IGSF9B: variants seen among roughly 807,000 people sequenced by gnomAD.
IGSF9B encodes protein turtle homolog B.
In IGSF9B, 48 loss-of-function variants were observed where a neutral mutation model predicts 143.7. That is an observed-to-expected ratio of 0.33 (90% confidence interval 0.26 to 0.42). IGSF9B has a LOEUF of 0.42. Among genes scored for constraint, IGSF9B ranks in the 20% least tolerant of loss-of-function variants. IGSF9B has a pLI of 1.00. For missense variants in IGSF9B, 1,706 were observed against 1,980.0 expected (o/e 0.86, Z 2.63); for synonymous variants, 903 against 833.1 (o/e 1.08, Z -1.44).
intron 14 of IGSF9B, 35 bp from the exon 15 acceptor site, chr11:133,924,939 G>A (rs1939598897): frequency 1.3e-6 from 2 of 1,582,900 alleles, no homozygotes; most frequent in African/African-American, 1.3e-5. Flanking sequence ...GTCAGCCGAG[G>A]GACCTGAGAT....
intron 15 of IGSF9B, 132 bp downstream of exon 15, chr11:133,924,688 A>C: frequency 1.4e-6 from 1 of 716,880 alleles, no homozygotes; most frequent in Non-Finnish European, 2.4e-6. Flanking sequence ...TGACTCACGC[A>C]GCTGCAACCA....
chr11:133,909,144 G>A lies in IGSF9B; in HGVS notation c.4239C>T (p.Arg1413=), dbSNP rs1156503486. ...TCGCTGTCTGGTCTTCCGGAAGCTGGCGGTGGCACAAGTCTGAGAGCCGGG... is the reference window on the plus strand; with the variant it reads ...TCGCTGTCTGGTCTTCCGGAAGCTGACGGTGGCACAAGTCTGAGAGCCGGG... The part of the protein sequence containing the change: ...PFARLSDLCH[R]QLPEDQTAIL... Residue 1413 remains arginine, a synonymous_variant, in exon 20 of 20, where the codon CGC becomes CGT. Transcript: ENST00000533871. The surrounding 1 kb of genome is among the most constrained non-coding windows in gnomAD (Gnocchi z 4.2). 1 of 1,535,936 alleles carries A rather than the reference G, an allele frequency of 6.5e-7. No individual in the cohort carries two copies. Among genetic ancestry groups the A allele is most frequent in the Admixed American group, 2.0e-5 (1 of 50,992 alleles).
Position 133,932,355 on chromosome 11 carries a change from C to A in IGSF9B, c.968-142G>T, listed in dbSNP as rs954034786. Reference sequence around the variant, plus strand: ...GAGCAGACAGACAGACAGACAGACACAGGGACAGACAGACAGACACGGGGA... The same window carrying A: ...GAGCAGACAGACAGACAGACAGACAAAGGGACAGACAGACAGACACGGGGA... On this transcript the variant is annotated intron_variant, in intron 7 of 19. Coordinates refer to ENST00000533871, the MANE Select transcript of IGSF9B (RefSeq NM_001277285.4). The A allele has an allele frequency of 7.1e-5, 57 of 801,712 alleles. No homozygotes were observed. The African/African-American group carries it at 7.8e-4, about 11-fold the overall frequency. 49.7% of individuals were successfully genotyped at this position (801,712 alleles called of 1,614,324 possible).
chr11:133,910,081 T>C (rs930168624), intron 19 of IGSF9B, among the ~76,000 whole-genome samples: 4 of 152,004 alleles, frequency 2.6e-5, no homozygotes, highest in Admixed American at 2.6e-4. Flanking sequence ...GTCATCTCAG[T>C]TGGAAAAGAG....
intron 15 of IGSF9B, among the ~76,000 whole-genome samples, chr11:133,924,124 G>A (rs965015607): frequency 1.3e-5 from 2 of 152,200 alleles, no homozygotes; most frequent in Admixed American, 1.3e-4. Flanking sequence ...ACTGTCACCT[G>A]GTCCCAGGGG....
rs115830023 is a variant in IGSF9B, at chr11:133,948,714, A to G, written c.65-2456T>C. On this transcript the variant is annotated intron_variant, in intron 1 of 19. Coordinates refer to ENST00000533871, the MANE Select transcript of IGSF9B (RefSeq NM_001277285.4). This position sits in a 1 kb window ranked among gnomAD's most constrained non-coding sequence, Gnocchi z 4.7. The stretch of plus-strand genomic sequence containing the variant: ...TAAGAAACTACAAGAGCCTAGGGGA[A>G]GAGGAGGGAGTTATTCCCAGGTGCC... Among the ~76,000 whole-genome samples the G allele has an allele frequency of 0.018, 2,692 of 151,554 alleles. 54 individuals carry two copies. The highest frequency in any genetic ancestry group is 0.051 in the Middle Eastern group (15 of 292).
At position 133,901,945 on chromosome 11, in the gene IGSF9B, A is replaced by ACCG. The variant is rs575519976; in HGVS notation, c.*7123_*7124insCGG. On this transcript the variant is annotated 3_prime_UTR_variant, in exon 20 of 20. Coordinates refer to ENST00000533871, the MANE Select transcript of IGSF9B (RefSeq NM_001277285.4). Reference sequence around the variant, plus strand: ...ACACCAAACCACACAACACACACACACATCACACACATGCACACCGCATCA... The same window carrying ACCG: ...ACACCAAACCACACAACACACACACACCGCATCACACACATGCACACCGCATCA... Among the ~76,000 whole-genome samples the ACCG allele has an allele frequency of 1.1e-3, 131 of 122,656 alleles. No individual in the cohort carries two copies. Among genetic ancestry groups the ACCG allele is most frequent in the African/African-American group, 4.3e-3 (126 of 29,314 alleles). The allele number at this position is 122,656 out of a possible 152,430, so 80.5% of individuals were successfully genotyped here.
intron 1 of IGSF9B, among the ~76,000 whole-genome samples, chr11:133,955,921 C>A (rs867218154): frequency 1.3e-5 from 2 of 152,114 alleles, no homozygotes; most frequent in Admixed American, 6.5e-5. Flanking sequence ...CCGCCGCCCC[C>A]AGCCAGCTCT....
rs1939742028 is a variant in IGSF9B at position 133,932,089 on chromosome 11, A to G, written c.1092T>C (p.Arg364=). 1 of 1,613,434 alleles carries G rather than the reference A, an allele frequency of 6.2e-7. No homozygotes were observed. ...ATVVKWNKDG[R]PLQVEKNLGW... ...CTAGCACCTTCTCAACCTGCAGGGG[A>G]CGGCCGTCCTTGTTCCACTTGACCA... Residue 364 remains arginine, a synonymous_variant, in exon 8 of 20, where the codon CGT becomes CGC. Coordinates refer to ENST00000533871, the MANE Select transcript of IGSF9B (RefSeq NM_001277285.4).
chr11:133,932,415 G>GCAGACAGA (rs567443136), intron 7 of IGSF9B, among the ~76,000 whole-genome samples: 1 of 143,712 alleles, frequency 7.0e-6, no homozygotes, highest in Non-Finnish European at 1.5e-5. Context: ...AGGTGGGAGA[G>GCAGACAGA]CAGACAGACA....
At chr11:133,918,301 A>G (rs1281154292) in intron 18 of IGSF9B, among the ~76,000 whole-genome samples, 1 of 151,768 alleles carries the variant, frequency 6.6e-6, no homozygotes, top group Non-Finnish European at 1.5e-5. Flanking sequence ...CTGCCCAGAT[A>G]GCTGAGATCA....
Position 133,925,039 on chromosome 11 carries a change from C to T in IGSF9B, c.2035-135G>A, listed in dbSNP as rs552737887. 14 of 709,752 alleles carry T rather than the reference C, an allele frequency of 2.0e-5. No homozygotes were observed. The Admixed American group carries it at 2.1e-4, about 11-fold the overall frequency. 44.0% of individuals were successfully genotyped at this position (709,752 alleles called of 1,614,324 possible). On this transcript the variant is annotated intron_variant, in intron 14 of 19. Transcript: ENST00000533871. ...CAGGAGGACTGCTAAGTGTCTAATG[C>T]TAAGCGATGGTAGCACTGGCCAATT... is the stretch of plus-strand genomic sequence containing the variant.
Position 133,946,258 on chromosome 11 carries a change from C to T in IGSF9B, c.65G>A (p.Gly22Asp). 6.2e-7 allele frequency: 1 copy of T among 1,612,864 alleles called. No homozygotes were observed. The highest frequency in any genetic ancestry group is 1.1e-5 in the South Asian group (1 of 90,842). Reference sequence around the variant, plus strand: ...GGGCTCCTCTCGCAGGCCGTGGGCGCCTGATGGGGACGGCCAGGTTGGACA... The same window carrying T: ...GGGCTCCTCTCGCAGGCCGTGGGCGTCTGATGGGGACGGCCAGGTTGGACA... ...VIGTRGLAAE[G>D]AHGLREEPEF... Residue 22 changes from glycine to aspartate, a missense_variant and splice_region_variant, in exon 2 of 20, where the codon GGC becomes GAC. Physicochemically the swap from Gly to Asp is moderately conservative, Grantham distance 94. Around this residue, in one of 7 missense-constraint regions of IGSF9B, gnomAD observed 171 missense variants for 213.9 expected, o/e 0.80. Coordinates refer to ENST00000533871, the MANE Select transcript of IGSF9B (RefSeq NM_001277285.4).
At chr11:133,940,919 G>T (rs193130118) in intron 3 of IGSF9B, among the ~76,000 whole-genome samples, 3 of 152,240 alleles carry the variant, frequency 2.0e-5, no homozygotes, top group African/African-American at 7.2e-5. Flanking sequence ...TTCTCACTGA[G>T]AGCGTGCTTA....
rs1939155221 is a variant in IGSF9B at position 133,902,554 on chromosome 11, T to TACACACACACACCCCCC, written c.*6514_*6515insGGGGGGTGTGTGTGTGT. Among the ~76,000 whole-genome samples the TACACACACACACCCCCC allele has an allele frequency of 2.7e-5, 3 of 110,300 alleles. No individual in the cohort carries two copies. The highest frequency in any genetic ancestry group is 3.4e-4 in the South Asian group (1 of 2,962). The allele number at this position is 110,300 out of a possible 152,430, so 72.4% of individuals were successfully genotyped here. On this transcript the variant is annotated 3_prime_UTR_variant, in exon 20 of 20. Coordinates refer to ENST00000533871, the MANE Select transcript of IGSF9B (RefSeq NM_001277285.4). ...ACACACATATACCACACACACCACATACACACACACACCCCACACACACAC... is the reference window on the plus strand; with the variant it reads ...ACACACATATACCACACACACCACATACACACACACACCCCCCACACACACACACCCCACACACACAC...
Position 133,931,884 on chromosome 11 carries a change from G to T in IGSF9B, c.1111-89C>A. On this transcript the variant is annotated intron_variant, in intron 8 of 19. Coordinates refer to ENST00000533871, the MANE Select transcript of IGSF9B (RefSeq NM_001277285.4). This position sits in a 1 kb window ranked among gnomAD's most constrained non-coding sequence, Gnocchi z 7.7. ...GGGTCCCAGCTGGGCCAGGCAGCAC[G>T]CAGGATAGTACAGGAGCTCCAGCCC... is the stretch of plus-strand genomic sequence containing the variant. 6.4e-7 allele frequency: 1 copy of T among 1,558,976 alleles called. No homozygotes were observed. The highest frequency in any genetic ancestry group is 8.7e-7 in the Non-Finnish European group (1 of 1,152,564).
At position 133,909,870 on chromosome 11, in the gene IGSF9B, G is replaced by T. The variant is rs1939274015; in HGVS notation, c.4106-593C>A. On this transcript the variant is annotated intron_variant, in intron 19 of 19. Coordinates refer to ENST00000533871, the MANE Select transcript of IGSF9B (RefSeq NM_001277285.4). This position sits in a 1 kb window ranked among gnomAD's most constrained non-coding sequence, Gnocchi z 4.2. ...CTTTAAAAACACAGAAATAAAATTT[G>T]CAGTTACTGAAAATACTACAAAGAT... is the stretch of plus-strand genomic sequence containing the variant. Among the ~76,000 whole-genome samples the T allele has an allele frequency of 6.6e-6, 1 of 152,206 alleles. No homozygotes were observed. Among genetic ancestry groups the T allele is most frequent in the Non-Finnish European group, 1.5e-5 (1 of 68,038 alleles).
chr11:133,956,762 C>T lies in IGSF9B; in HGVS notation c.-8G>A, dbSNP rs775578365. 188 of 1,498,802 alleles carry T rather than the reference C, an allele frequency of 1.3e-4. No individual in the cohort carries two copies. The highest frequency in any genetic ancestry group is 1.7e-4 in the Middle Eastern group (1 of 5,756). 92.8% of individuals were successfully genotyped at this position (1,498,802 alleles called of 1,614,324 possible). On this transcript the variant is annotated 5_prime_UTR_variant, in exon 1 of 20. Transcript: ENST00000533871. ...GGCCACATACCAAATCATAGTACTACCGCGCCAGCCCGGAGCCTCATCCTA... is the reference window on the plus strand; with the variant it reads ...GGCCACATACCAAATCATAGTACTATCGCGCCAGCCCGGAGCCTCATCCTA...
chr11:133,906,588 C>G lies in IGSF9B; in HGVS notation c.*2481G>C, dbSNP rs907551237. Among the ~76,000 whole-genome samples the G allele has an allele frequency of 2.6e-5, 4 of 152,192 alleles. No individual in the cohort carries two copies. Among genetic ancestry groups the G allele is most frequent in the Non-Finnish European group, 5.9e-5 (4 of 68,032 alleles). ...GGAGGAGTCAGCACCTGGGTTAGCA[C>G]GGGGGTGCCCTGGAAGGCACAGCCA... On this transcript the variant is annotated 3_prime_UTR_variant, in exon 20 of 20. Transcript: ENST00000533871.
Sources: allele counts gnomAD v4.1 joint callset (sites outside exome capture counted in the v4.1 genomes callset), GRCh38; gene constraint gnomAD v4.1.1; regional missense constraint gnomAD v4.1.1; non-coding constraint Gnocchi (gnomAD v3.1); transcripts MANE v1.5; gene names NCBI Gene and HGNC (gene_info 2026-07-23, HGNC 2026-07-21).